Variants in CNOT1 observed in about 807,000 individuals in gnomAD.
CNOT1 encodes the protein CCR4-NOT transcription complex subunit 1.
CNOT1 carries 15 observed loss-of-function variants against 273.8 expected under a neutral mutation model. The observed-to-expected ratio is 0.05, with a 90% CI of 0.04 to 0.08. The LOEUF (loss-of-function observed/expected upper bound fraction) is 0.08, where lower values mean the gene tolerates loss of function less well. Ranked by LOEUF, CNOT1 falls within the 10% of genes least tolerant of loss-of-function variation. The pLI, the probability that CNOT1 is intolerant of heterozygous loss-of-function variation, is 1.00. For synonymous variants in CNOT1, 1,022 were observed against 1,005.5 expected, an observed-to-expected ratio of 1.02 and a Z score of -0.31; for missense variants, 1,644 against 2,912.2, an observed-to-expected ratio of 0.56 and a Z score of 10.02.
chr16:58,536,490 T>C (rs1352736163), intron 39 of CNOT1, among the ~76,000 whole-genome samples: 1 of 152,192 alleles, frequency 6.6e-6, no homozygotes, highest in African/African-American at 2.4e-5. Context: ...TAAGTCAAAG[T>C]CCAACTTGCA....
chr16:58,615,763 T>C (rs1216230236), intron 1 of CNOT1, among the ~76,000 whole-genome samples: 1 of 123,910 alleles, frequency 8.1e-6, no homozygotes, highest in Admixed American at 8.0e-5. Flanking sequence ...CATGAACATG[T>C]AAGGAAAAGA....
intron 16 of CNOT1, among the ~76,000 whole-genome samples, chr16:58,574,355 G>A (rs529621360): frequency 1.3e-5 from 2 of 151,498 alleles, no homozygotes; most frequent in East Asian, 3.9e-4. Flanking sequence ...CAAAGTAGTG[G>A]TCTCAACAAA....
At chr16:58,557,030 A>G (rs750554885) in intron 18 of CNOT1, 37 bp from the exon 19 acceptor site, 4 of 1,602,450 alleles carry the variant, frequency 2.5e-6, no homozygotes, top group Non-Finnish European at 3.4e-6. Flanking sequence ...TCCTATCATT[A>G]TTCATATTCT....
chr16:58,600,832 CCAAAGTGTTG>C (rs1567436378), intron 1 of CNOT1, among the ~76,000 whole-genome samples: 5 of 152,134 alleles, frequency 3.3e-5, no homozygotes, highest in African/African-American at 7.2e-5. Flanking sequence ...GTGGCTCATG[CCAAAGTGTTG>C]TAATCCCAAC....
chr16:58,616,832 A>G (rs1016628276), intron 1 of CNOT1, among the ~76,000 whole-genome samples: 1 of 152,170 alleles, frequency 6.6e-6, no homozygotes, highest in African/African-American at 2.4e-5. Flanking sequence ...TCCCCCATGT[A>G]GTCTTCTGTT....
intron 47 of CNOT1, among the ~76,000 whole-genome samples, chr16:58,522,633 GTTA>G (rs2039444361): frequency 6.6e-6 from 1 of 152,114 alleles, no homozygotes; most frequent in Non-Finnish European, 1.5e-5. Context: ...CCTAACTATT[GTTA>G]GGAAAATGCA....
chr16:58,611,144 T>A (rs1351728188), intron 1 of CNOT1, among the ~76,000 whole-genome samples: 1 of 151,914 alleles, frequency 6.6e-6, no homozygotes. Flanking sequence ...AACTCCCCAG[T>A]CAGGCTGAGT....
chr16:58,601,733 T>TCAAAAAAAAAAAAAAAA (rs2042470348), intron 1 of CNOT1, among the ~76,000 whole-genome samples: 1 of 31,834 alleles, frequency 3.1e-5, no homozygotes, highest in Non-Finnish European at 7.1e-5. Context: ...CATACCCACC[T>TCAAAAAAAAAAAAAAAA]TAAAAAAAAA....
intron 2 of CNOT1, 158 bp downstream of exon 2, chr16:58,599,078 C>A: frequency 3.3e-6 from 2 of 610,462 alleles, no homozygotes; most frequent in Non-Finnish European, 5.3e-6. Flanking sequence ...AAAGATTGGG[C>A]TAAGAGCTCT....
intron 4 of CNOT1, 37 bp from the exon 5 acceptor site, chr16:58,587,450 T>TA (rs1567426915): frequency 1.2e-6 from 2 of 1,609,320 alleles, no homozygotes; most frequent in East Asian, 2.2e-5. Context: ...AATAAGAACT[T>TA]ACTTTTTCAA....
rs1343491749 is a variant in CNOT1, at chr16:58,599,378, A to G, written c.-41T>C. ...AAGCAGGCGGCCGAGCCCGGCGCAA[A>G]ATCACCATTATTCCCCTTTAGTCAC... On this transcript the variant is annotated 5_prime_UTR_variant, in exon 2 of 49. Transcript: ENST00000317147. The G allele has an allele frequency of 2.5e-6, 4 of 1,613,392 alleles. No homozygotes were observed. The highest frequency in any genetic ancestry group is 1.3e-5 in the African/African-American group (1 of 74,916).
At chr16:58,558,781 T>C in intron 17 of CNOT1, 107 bp from the exon 18 acceptor site, 5 of 1,405,128 alleles carry the variant, frequency 3.6e-6, no homozygotes, top group Non-Finnish European at 4.8e-6. Context: ...AAGCAAACTA[T>C]TACACCCACT....
Position 58,560,276 on chromosome 16 carries a change from GGTGGTGGTT to G in CNOT1, c.2057_2065del (p.Gln686_Pro688del). On this transcript the variant is annotated inframe_deletion, in exon 17 of 49. Coordinates refer to ENST00000317147, the MANE Select transcript of CNOT1 (RefSeq NM_016284.5). ...AGGACGTCCTTTTGGCATAACTCCA[GGTGGTGGTT>G]GTCTGGCCTTATTCATAACATTACT... 1 of 1,614,198 alleles carries G rather than the reference GGTGGTGGTT, an allele frequency of 6.2e-7. No individual in the cohort carries two copies. The highest frequency in any genetic ancestry group is 1.1e-5 in the South Asian group (1 of 91,084).
At chr16:58,610,603 G>T (rs577498189) in intron 1 of CNOT1, among the ~76,000 whole-genome samples, 56 of 152,258 alleles carry the variant, frequency 3.7e-4, no homozygotes, top group African/African-American at 1.2e-3. Flanking sequence ...CAGCACTTTG[G>T]GAGGCCAAGG....
chr16:58,525,358 A>ACCTTAAAATGAGCAAAACAGAACT lies in CNOT1; in HGVS notation c.6604-23_6604dup (p.Gln2201_Val2202insGluPheCysPheAlaHisPheLys). 1 of 1,612,796 alleles carries ACCTTAAAATGAGCAAAACAGAACT rather than the reference A, an allele frequency of 6.2e-7. No homozygotes were observed. Among genetic ancestry groups the ACCTTAAAATGAGCAAAACAGAACT allele is most frequent in the Non-Finnish European group, 8.5e-7 (1 of 1,179,866 alleles). On this transcript the variant is annotated inframe_insertion and splice_region_variant, in exon 46 of 49. Coordinates refer to ENST00000317147, the MANE Select transcript of CNOT1 (RefSeq NM_016284.5). Reference sequence around the variant, plus strand: ...GTAGCGATTCCCAGGTTCATTGGATACCTTAAAATGAGCAAAACAGAACTC... The same window carrying ACCTTAAAATGAGCAAAACAGAACT: ...GTAGCGATTCCCAGGTTCATTGGATACCTTAAAATGAGCAAAACAGAACTCCTTAAAATGAGCAAAACAGAACTC...
In CNOT1 at chr16:58,585,342, C is replaced by T. The variant is rs372754734; in HGVS notation, c.802G>A (p.Ala268Thr). ...TTAACACATTTTACTACCAACCTTG[C>T]ACAAAAGCCATAGCCTACTTCTTGC... is the stretch of plus-strand genomic sequence containing the variant. ...FMQEVGYGFCASIEECRNIIV... is the reference protein window; with the variant it reads ...FMQEVGYGFCTSIEECRNIIV... The change falls in exon 8 of 49, where the codon GCA becomes ACA. Residue 268 changes from alanine (A) to threonine (T), a missense_variant. Transcript: ENST00000317147. The T allele has an allele frequency of 6.2e-7, 1 of 1,613,830 alleles. No individual in the cohort carries two copies. The highest frequency in any genetic ancestry group is 8.5e-7 in the Non-Finnish European group (1 of 1,179,990).
intron 47 of CNOT1, among the ~76,000 whole-genome samples, chr16:58,522,084 C>T (rs958995416): frequency 6.6e-6 from 1 of 151,778 alleles, no homozygotes; most frequent in African/African-American, 2.4e-5. Flanking sequence ...CTCTGGGAGG[C>T]CAAGACGGGT....
At position 58,629,732 on chromosome 16, in the gene CNOT1, G is replaced by A. The variant is rs1187466751; in HGVS notation, c.-179C>T. On this transcript the variant is annotated 5_prime_UTR_variant, in exon 1 of 49. Coordinates refer to ENST00000317147, the MANE Select transcript of CNOT1 (RefSeq NM_016284.5). ...CCTGACGCCAACCCGCCTCACCTCAGGCGGCTCCGGCAGCGCTGGACACAG... is the reference window on the plus strand; with the variant it reads ...CCTGACGCCAACCCGCCTCACCTCAAGCGGCTCCGGCAGCGCTGGACACAG... The A allele has an allele frequency of 6.6e-6, 1 of 152,522 alleles. No homozygotes were observed. The allele number at this position is 152,522 out of a possible 1,614,324, so 9.4% of individuals were successfully genotyped here.
chr16:58,560,057 A>G (rs1725640937), intron 17 of CNOT1, 155 bp downstream of exon 17: 1 of 1,502,698 alleles, frequency 6.7e-7, no homozygotes, highest in Admixed American at 2.1e-5. Context: ...TGTTAACTAC[A>G]ATGCCTATTT....
Sources: allele counts gnomAD v4.1 joint callset (sites outside exome capture counted in the v4.1 genomes callset), GRCh38; gene constraint gnomAD v4.1.1; transcripts MANE v1.5; gene names NCBI Gene and HGNC (gene_info 2026-07-23, HGNC 2026-07-21).